Variants in RCC2 observed in about 807,000 individuals in gnomAD.
RCC2 encodes the protein regulator of chromosome condensation 2, also known as protein RCC2.
In RCC2, 19 loss-of-function variants were observed where a neutral mutation model predicts 64.1. The observed-to-expected ratio is 0.30, with a 90% CI of 0.21 to 0.44. The LOEUF is 0.44. Among genes scored for constraint, RCC2 ranks in the 20% least tolerant of loss-of-function variants. RCC2 has a pLI of 1.00. For missense variants in RCC2, 508 were observed against 710.4 expected (o/e 0.72, Z 3.24); for synonymous variants, 325 against 279.6 (o/e 1.16, Z -1.62).
intron 3 of RCC2, among the ~76,000 whole-genome samples, chr1:17,426,127 A>T (rs546789910): frequency 6.6e-6 from 1 of 152,188 alleles, no homozygotes; most frequent in African/African-American, 2.4e-5. Context: ...GCTCACCCTG[A>T]CAGTAACCTA....
intron 3 of RCC2, among the ~76,000 whole-genome samples, chr1:17,426,863 A>G (rs1436896151): frequency 6.7e-6 from 1 of 148,858 alleles, no homozygotes; most frequent in Non-Finnish European, 1.5e-5. Flanking sequence ...CCCAGGTTCA[A>G]TTGATTCTCC....
At chr1:17,415,695 G>A (rs2075474779) in intron 8 of RCC2, among the ~76,000 whole-genome samples, 1 of 150,236 alleles carries the variant, frequency 6.7e-6, no homozygotes, top group African/African-American at 2.5e-5. Context: ...GGGTGAAAAA[G>A]TGAAACTCCG....
At chr1:17,409,567 G>A (rs1404553965) in intron 12 of RCC2, among the ~76,000 whole-genome samples, 3 of 152,228 alleles carry the variant, frequency 2.0e-5, no homozygotes, top group African/African-American at 7.2e-5. Flanking sequence ...AGGGCCAGCA[G>A]GCTGGCTGAC....
intron 2 of RCC2, among the ~76,000 whole-genome samples, chr1:17,435,818 T>C (rs773793717): frequency 8.0e-5 from 12 of 150,814 alleles, no homozygotes; most frequent in Admixed American, 7.3e-4. Flanking sequence ...CTCGGGAGGC[T>C]GAGGCAGAAG....
In RCC2 at chr1:17,438,294, G is replaced by A. The variant is rs751649619; in HGVS notation, c.221C>T (p.Thr74Ile). ...GGCCGCGCCGCCCGCCTTGCCTGCT[G>A]TCGCCGGCCGCGCCGCGCGCTTGCC... is the stretch of plus-strand genomic sequence containing the variant. The part of the protein sequence containing the change: ...GGGKRAARPA[T>I]AGKAGGAAVV... Residue 74 changes from threonine (T) to isoleucine (I), a missense_variant, in exon 2 of 13, where the codon ACA (threonine) becomes ATA (isoleucine). Physicochemically the swap from Thr to Ile is moderately conservative, Grantham distance 89. Transcript: ENST00000375436. 9.5e-6 allele frequency: 12 copies of A among 1,266,030 alleles called. No individual in the cohort carries two copies. Among genetic ancestry groups the A allele is most frequent in the Non-Finnish European group, 1.1e-5 (11 of 993,826 alleles). 78.4% of individuals were successfully genotyped at this position (1,266,030 alleles called of 1,614,324 possible). A position where few individuals can be genotyped will look rare whatever the true frequency, so the allele number is the denominator to read the frequency against.
intron 4 of RCC2, among the ~76,000 whole-genome samples, chr1:17,423,380 A>G (rs1229337447): frequency 6.6e-6 from 1 of 152,182 alleles, no homozygotes; most frequent in Non-Finnish European, 1.5e-5. Flanking sequence ...TCCCACCCCT[A>G]GGGATCGCCC....
chr1:17,414,569 C>CAA (rs139198171), intron 8 of RCC2, among the ~76,000 whole-genome samples: 2 of 140,414 alleles, frequency 1.4e-5, no homozygotes, highest in African/African-American at 2.6e-5. Context: ...AAAAACACAA[C>CAA]AAAAAAAAAA....
intron 4 of RCC2, among the ~76,000 whole-genome samples, chr1:17,423,863 T>C (rs75564120): frequency 6.6e-6 from 1 of 152,210 alleles, no homozygotes; most frequent in Non-Finnish European, 1.5e-5. Flanking sequence ...GCCATTAAGA[T>C]GAGTTCCAGC....
intron 4 of RCC2, among the ~76,000 whole-genome samples, chr1:17,424,887 G>A (rs932257445): frequency 5.9e-5 from 9 of 152,238 alleles, no homozygotes; most frequent in African/African-American, 2.2e-4. Context: ...GCAGAGGACA[G>A]TGCCGTGGAC....
At chr1:17,431,649 G>C (rs2075682928) in intron 2 of RCC2, among the ~76,000 whole-genome samples, 1 of 151,742 alleles carries the variant, frequency 6.6e-6, no homozygotes, top group Non-Finnish European at 1.5e-5. Context: ...CTTCATGACG[G>C]ATGATTTCCA....
chr1:17,415,713 TAA>T (rs1020897903), intron 8 of RCC2, among the ~76,000 whole-genome samples: 2 of 140,672 alleles, frequency 1.4e-5, no homozygotes, highest in Admixed American at 7.1e-5. Flanking sequence ...CCGCCTCAAA[TAA>T]AAAAAAAAAA....
intron 7 of RCC2, 78 bp from the exon 8 acceptor site, chr1:17,416,724 A>G: frequency 6.9e-7 from 1 of 1,454,400 alleles, no homozygotes; most frequent in African/African-American, 1.4e-5. Context: ...CGGACTCTGT[A>G]GTGAGCCCCG....
In RCC2 at chr1:17,416,674, G is replaced by T. The variant is rs911973323; in HGVS notation, c.860-28C>A. The T allele has an allele frequency of 3.1e-6, 5 of 1,591,060 alleles. No homozygotes were observed. In the African/African-American group the frequency reaches 6.7e-5, roughly 21 times the overall value. On this transcript the variant is annotated intron_variant, in intron 7 of 12. Transcript: ENST00000375436. ...GTAGAGACCACAGAGCCGGCCATCA[G>T]CAGCAGCACAAGCACAAGGGACGTG... is the stretch of plus-strand genomic sequence containing the variant.
chr1:17,417,879 T>A (rs539302594), intron 7 of RCC2, among the ~76,000 whole-genome samples: 38 of 151,504 alleles, frequency 2.5e-4, no homozygotes, highest in African/African-American at 9.0e-4. Context: ...CAAAAATATC[T>A]GGGGGGAGGA....
Position 17,412,145 on chromosome 1 carries a change from G to A in RCC2, c.1363C>T (p.Pro455Ser). The change falls in exon 11 of 13, where the codon CCG (proline) becomes TCG (serine). Residue 455 changes from proline to serine, a missense_variant. Coordinates refer to ENST00000375436, the MANE Select transcript of RCC2 (RefSeq NM_018715.4). The part of the protein sequence containing the change: ...AADESTISWG[P>S]SPTFGELGYG... ...ACCAGTTCCCCAAAGGTCGGTGACG[G>A]ACCCCAGCTGATGGTGCTCTCATCG... 1 of 1,614,130 alleles carries A rather than the reference G, an allele frequency of 6.2e-7. No individual in the cohort carries two copies. The highest frequency in any genetic ancestry group is 8.5e-7 in the Non-Finnish European group (1 of 1,180,012).
At position 17,413,330 on chromosome 1, in the gene RCC2, G is replaced by C. The variant is rs1254017998; in HGVS notation, c.1208-152C>G. 8.5e-6 allele frequency: 7 copies of C among 823,696 alleles called. No homozygotes were observed. The East Asian group carries it at 1.9e-4, about 22-fold the overall frequency. 51.0% of individuals were successfully genotyped at this position (823,696 alleles called of 1,614,324 possible). On this transcript the variant is annotated intron_variant, in intron 9 of 12. Transcript: ENST00000375436. ...CCAGGCGTGGTGGCGTGCCTGTGCA[G>C]TCCTAGCTACTCAGGACGCTGTGGT...
intron 8 of RCC2, among the ~76,000 whole-genome samples, chr1:17,414,727 G>T (rs1354196332): frequency 6.6e-6 from 1 of 151,940 alleles, no homozygotes; most frequent in African/African-American, 2.4e-5. Context: ...CACCTCCTGG[G>T]CTCAAGCGAT....
rs745890976 is a variant in RCC2 at position 17,429,173 on chromosome 1, C to T, written c.312G>A (p.Gly104=). ...RVKLEGSKCK[G]QLLIFGATNW... ...TGGTTGCCCCAAAAATCAAAAGCTGCCCTTTGCACTTTGACCCTTCAAGTT... is the reference window on the plus strand; with the variant it reads ...TGGTTGCCCCAAAAATCAAAAGCTGTCCTTTGCACTTTGACCCTTCAAGTT... Residue 104 remains glycine, a synonymous_variant, in exon 3 of 13, where the codon GGG becomes GGA. Coordinates refer to ENST00000375436, the MANE Select transcript of RCC2 (RefSeq NM_018715.4). The T allele has an allele frequency of 4.3e-6, 7 of 1,614,126 alleles. No homozygotes were observed. In the South Asian group the frequency reaches 7.7e-5, roughly 18 times the overall value.
chr1:17,417,006 C>G (rs1557624086), intron 7 of RCC2, among the ~76,000 whole-genome samples: 1 of 152,068 alleles, frequency 6.6e-6, no homozygotes, highest in Non-Finnish European at 1.5e-5. Flanking sequence ...GGGTTGCAGT[C>G]AAAAAAGTTG....
Sources: gnomAD v4.1 joint callset for allele counts (sites outside exome capture counted in the v4.1 genomes callset) on GRCh38, gnomAD v4.1.1 for gene constraint, MANE v1.5 for transcripts, NCBI Gene and HGNC (gene_info 2026-07-23, HGNC 2026-07-21) for gene names.